Variants in CSMD1 observed in about 807,000 individuals in gnomAD.
CSMD1 encodes the protein CUB and Sushi multiple domains 1.
Under a neutral mutation model 417.5 loss-of-function variants are expected in CSMD1, and 213 were observed. The observed-to-expected ratio is 0.51, with a 90% CI of 0.46 to 0.57. The LOEUF (loss-of-function observed/expected upper bound fraction) is 0.57, where lower values mean the gene tolerates loss of function less well. Among genes scored for constraint, CSMD1 ranks in the 20% least tolerant of loss-of-function variants. The pLI, the probability that CSMD1 is intolerant of heterozygous loss-of-function variation, is 0.00. For missense variants in CSMD1, 6,923 were observed against 4,529.7 expected, an observed-to-expected ratio of 1.53 and a Z score of -15.17; for synonymous variants, 2,862 against 1,736.8, an observed-to-expected ratio of 1.65 and a Z score of -16.11.
intron 1 of CSMD1, among the ~76,000 whole-genome samples, chr8:4,749,710 T>G (rs1037363989): frequency 2.0e-5 from 3 of 152,152 alleles, no homozygotes; most frequent in Non-Finnish European, 4.4e-5. Context: ...CTTAAGAAAT[T>G]CATTGCAATA....
intron 36 of CSMD1, among the ~76,000 whole-genome samples, chr8:3,183,305 C>A (rs1041988359): frequency 6.2e-5 from 9 of 144,622 alleles, no homozygotes; most frequent in Non-Finnish European, 1.5e-5. Flanking sequence ...TCGAGTAGGT[C>A]TCTAACGCCT....
At chr8:3,994,896 T>A (rs1053538540) in intron 5 of CSMD1, among the ~76,000 whole-genome samples, 1 of 152,162 alleles carries the variant, frequency 6.6e-6, no homozygotes, top group African/African-American at 2.4e-5. Flanking sequence ...TATGCCCTTT[T>A]TTAAAAATAG....
At chr8:3,800,889 C>G (rs1408435999) in intron 5 of CSMD1, among the ~76,000 whole-genome samples, 1 of 152,042 alleles carries the variant, frequency 6.6e-6, no homozygotes, top group Non-Finnish European at 1.5e-5. Flanking sequence ...TCTGCTATGG[C>G]CCCCAACAAC....
intron 49 of CSMD1, among the ~76,000 whole-genome samples, chr8:3,058,883 C>T (rs556613233): frequency 6.6e-6 from 1 of 152,122 alleles, no homozygotes; most frequent in East Asian, 1.9e-4. Context: ...CTGCAGGGAC[C>T]TCCCACCTCC....
At chr8:3,432,678 G>A (rs1158078970) in intron 12 of CSMD1, among the ~76,000 whole-genome samples, 2 of 152,048 alleles carry the variant, frequency 1.3e-5, no homozygotes, top group Non-Finnish European at 2.9e-5. Flanking sequence ...ACCACACCCA[G>A]CTAATTTTTG....
intron 5 of CSMD1, among the ~76,000 whole-genome samples, chr8:3,855,164 A>T (rs2129102369): frequency 6.6e-6 from 1 of 152,306 alleles, no homozygotes; most frequent in East Asian, 1.9e-4. Flanking sequence ...TAATTAAGAC[A>T]AATTACTTTC....
Position 2,982,433 on chromosome 8 carries a change from G to T in CSMD1, c.8378-3633C>A, listed in dbSNP as rs866905728. 2.0e-5 allele frequency among the ~76,000 whole-genome samples: 3 copies of T among 152,222 alleles called. No homozygotes were observed. In the South Asian group the frequency reaches 6.2e-4, roughly 32 times the overall value. ...TGTTTATTCTCTTTCAAACTTTCTT[G>T]AGGATCATGGAGGTCCTTCCTATCC... On this transcript the variant is annotated intron_variant, in intron 54 of 69. Transcript: ENST00000635120.
chr8:3,055,212 C>A (rs1291079417), intron 49 of CSMD1, among the ~76,000 whole-genome samples: 1 of 152,178 alleles, frequency 6.6e-6, no homozygotes, highest in Non-Finnish European at 1.5e-5. Flanking sequence ...GAGACCAAAG[C>A]AGAAGATCTT....
intron 17 of CSMD1, among the ~76,000 whole-genome samples, chr8:3,394,446 C>G (rs1811562826): frequency 6.6e-6 from 1 of 151,974 alleles, no homozygotes. Context: ...TCTGCCTTCA[C>G]TTAGCCTTTG....
chr8:4,795,326 C>A (rs1797918607), intron 1 of CSMD1, among the ~76,000 whole-genome samples: 1 of 119,384 alleles, frequency 8.4e-6, no homozygotes, highest in South Asian at 2.9e-4. Context: ...GGCTGGAGTG[C>A]AGTGACACGA....
chr8:3,093,534 G>A (rs933024353), intron 47 of CSMD1, among the ~76,000 whole-genome samples: 9 of 152,088 alleles, frequency 5.9e-5, no homozygotes, highest in East Asian at 1.9e-4. Flanking sequence ...TGGGCGTGGC[G>A]GCAGGCACCT....
chr8:4,940,405 T>C (rs889782329), intron 1 of CSMD1, among the ~76,000 whole-genome samples: 6 of 152,222 alleles, frequency 3.9e-5, no homozygotes, highest in African/African-American at 1.2e-4. Flanking sequence ...GTTAAGAAAT[T>C]CCAATTATGT....
intron 1 of CSMD1, among the ~76,000 whole-genome samples, chr8:4,722,592 G>C (rs569922681): frequency 1.5e-4 from 23 of 152,062 alleles, no homozygotes; most frequent in Non-Finnish European, 2.8e-4. Flanking sequence ...GTTCCTTCTT[G>C]GAGGAGCCCT....
chr8:4,817,293 G>A (rs983822552), intron 1 of CSMD1, among the ~76,000 whole-genome samples: 1 of 152,138 alleles, frequency 6.6e-6, no homozygotes, highest in Non-Finnish European at 1.5e-5. Flanking sequence ...GCCCAATCAA[G>A]CTATACATTA....
chr8:4,309,067 T>G (rs149983944), intron 3 of CSMD1, among the ~76,000 whole-genome samples: 175 of 152,266 alleles, frequency 1.1e-3, no homozygotes, highest in African/African-American at 4.1e-3. Context: ...TTTTTATTAT[T>G]TTTTATGTTA....
chr8:3,034,249 G>A (rs1279569685), intron 50 of CSMD1, among the ~76,000 whole-genome samples: 1 of 152,162 alleles, frequency 6.6e-6, no homozygotes, highest in African/African-American at 2.4e-5. Flanking sequence ...TGATGAAATC[G>A]CCCATGCTTT....
intron 3 of CSMD1, among the ~76,000 whole-genome samples, chr8:4,207,286 C>G (rs1001787645): frequency 7.9e-5 from 12 of 152,134 alleles, no homozygotes; most frequent in African/African-American, 2.9e-4. Context: ...ACAATTATGG[C>G]TGGTCTAAAC....
At chr8:3,774,491 T>C (rs914301851) in intron 5 of CSMD1, among the ~76,000 whole-genome samples, 1 of 152,152 alleles carries the variant, frequency 6.6e-6, no homozygotes, top group Admixed American at 6.5e-5. Flanking sequence ...GAGAGACGGT[T>C]AAATAAATAA....
At chr8:3,741,718 G>T (rs539421825) in intron 6 of CSMD1, among the ~76,000 whole-genome samples, 1 of 151,996 alleles carries the variant, frequency 6.6e-6, no homozygotes, top group Non-Finnish European at 1.5e-5. Flanking sequence ...CTCTGAGTGC[G>T]CATTCTTACT....
Sources: allele counts gnomAD v4.1 joint callset (sites outside exome capture counted in the v4.1 genomes callset), GRCh38; gene constraint gnomAD v4.1.1; transcripts MANE v1.5; gene names NCBI Gene and HGNC (gene_info 2026-07-23, HGNC 2026-07-21).